The following ITIH2 variants were observed in gnomAD, a reference collection of about 807,000 sequenced individuals.
The protein encoded by ITIH2 is inter-alpha-trypsin inhibitor heavy chain 2.
A neutral mutation model predicts 104.4 loss-of-function variants in ITIH2; 103 were observed. The ratio of observed to expected loss-of-function variants is 0.99; its 90% CI spans 0.84 to 1.16. The LOEUF (loss-of-function observed/expected upper bound fraction) is 1.16. ITIH2 is among the 50% of genes most tolerant of loss of function. The probability of loss-of-function intolerance (pLI) is 0.00; values close to 1 mark genes in which losing one functional copy is unlikely to be tolerated. For missense variants in ITIH2, 1,108 were observed against 1,162.4 expected (o/e 0.95, Z 0.68); for synonymous variants, 436 against 435.4 (o/e 1.00, Z -0.02).
At chr10:7,712,838 G>A (rs1834809276) in intron 4 of ITIH2, among the ~76,000 whole-genome samples, 1 of 152,060 alleles carries the variant, frequency 6.6e-6, no homozygotes, top group African/African-American at 2.4e-5. Context: ...TTACTATTCT[G>A]GGCCAGGCGC....
intron 9 of ITIH2, among the ~76,000 whole-genome samples, chr10:7,725,037 C>CA (rs1324299999): frequency 6.7e-6 from 1 of 150,240 alleles, no homozygotes. Context: ...AGAAACCAAA[C>CA]AAAAAACAGA....
intron 3 of ITIH2, 92 bp downstream of exon 3, chr10:7,707,325 C>T (rs929586915): frequency 2.7e-5 from 25 of 923,456 alleles, no homozygotes; most frequent in African/African-American, 9.7e-5. Context: ...TCTTCATCAC[C>T]GAGTATTTAC....
chr10:7,716,325 C>A (rs928352237), intron 5 of ITIH2, among the ~76,000 whole-genome samples: 1 of 152,182 alleles, frequency 6.6e-6, no homozygotes, highest in South Asian at 2.1e-4. Context: ...TTTATCCTAA[C>A]GCTGGAATCA....
rs549517172 is a variant in ITIH2, at chr10:7,748,521, C to CTTTTTTTTTTTTTTTTTTTTTT, written c.2694-650_2694-629dup. Among the ~76,000 whole-genome samples, 4 of 27,132 alleles carry CTTTTTTTTTTTTTTTTTTTTTT rather than the reference C, an allele frequency of 1.5e-4. 1 individual carries two copies. The highest frequency in any genetic ancestry group is 1.5e-4 in the African/African-American group (1 of 6,622). The allele number at this position is 27,132 out of a possible 152,430, so 17.8% of individuals were successfully genotyped here. On this transcript the variant is annotated intron_variant, in intron 20 of 20. Coordinates refer to ENST00000358415, the MANE Select transcript of ITIH2 (RefSeq NM_002216.3). ...AGTTAAGAGGTGCCGCCAATGCATT[C>CTTTTTTTTTTTTTTTTTTTTTT]TTTTTTTTTTTTTTTTTTTTTTTTT...
intron 15 of ITIH2, among the ~76,000 whole-genome samples, chr10:7,737,530 T>G (rs1228334608): frequency 7.4e-6 from 1 of 135,126 alleles, no homozygotes; most frequent in Non-Finnish European, 1.5e-5. Context: ...ATACTATGTA[T>G]TCTATATAAT....
chr10:7,722,011 C>T (rs1834908650), intron 8 of ITIH2, among the ~76,000 whole-genome samples: 1 of 152,006 alleles, frequency 6.6e-6, no homozygotes, highest in African/African-American at 2.4e-5. Flanking sequence ...ATTCCTGGGC[C>T]TCATGTGAAG....
Position 7,703,378 on chromosome 10 carries a change from A to C in ITIH2, c.-57A>C. 8.7e-7 allele frequency: 1 copy of C among 1,154,372 alleles called. No homozygotes were observed. The highest frequency in any genetic ancestry group is 1.3e-6 in the Non-Finnish European group (1 of 761,772). The allele number at this position is 1,154,372 out of a possible 1,614,324, so 71.5% of individuals were successfully genotyped here. On this transcript the variant is annotated 5_prime_UTR_variant, in exon 1 of 21. Coordinates refer to ENST00000358415, the MANE Select transcript of ITIH2 (RefSeq NM_002216.3). Reference sequence around the variant, plus strand: ...CTTTGAACTTGGTTCAGTAGGAAGAAGTGATATCCTCCCCAGACCATCTGC... The same window carrying C: ...CTTTGAACTTGGTTCAGTAGGAAGACGTGATATCCTCCCCAGACCATCTGC...
intron 20 of ITIH2, 107 bp from the exon 21 acceptor site, chr10:7,749,080 G>A (rs1349016158): frequency 7.3e-6 from 8 of 1,091,104 alleles, no homozygotes; most frequent in Admixed American, 4.0e-5. Flanking sequence ...GGTGGGGGGC[G>A]GCAGATGTGG....
intron 4 of ITIH2, among the ~76,000 whole-genome samples, chr10:7,712,373 T>C (rs73621271): frequency 0.082 from 12,435 of 152,202 alleles, 559 homozygotes; most frequent in African/African-American, 0.1. Flanking sequence ...CACCTCGTAA[T>C]GTCATCGTCC....
In ITIH2 at chr10:7,705,101, T is replaced by C; in HGVS notation, c.85-7T>C. The stretch of plus-strand genomic sequence containing the variant: ...AAAAAAAAGTTAAAATCCTAATTTT[T>C]TTTAAGTTTGTAGACTATGAAGATC... On this transcript the variant is annotated splice_polypyrimidine_tract_variant and splice_region_variant and intron_variant, in intron 1 of 20. Transcript: ENST00000358415. 2 of 1,584,316 alleles carry C rather than the reference T, an allele frequency of 1.3e-6. No homozygotes were observed. Among genetic ancestry groups the C allele is most frequent in the Non-Finnish European group, 1.7e-6 (2 of 1,166,576 alleles).
intron 8 of ITIH2, among the ~76,000 whole-genome samples, chr10:7,722,126 G>A (rs187587959): frequency 1.3e-5 from 2 of 152,168 alleles, no homozygotes; most frequent in East Asian, 3.9e-4. Context: ...GGAGGAAGGC[G>A]CATCCACAGC....
intron 16 of ITIH2, among the ~76,000 whole-genome samples, chr10:7,742,945 G>C (rs973987872): frequency 2.0e-5 from 3 of 151,900 alleles, no homozygotes; most frequent in African/African-American, 7.3e-5. Context: ...AATAACATAG[G>C]GTTCTGAAGA....
At chr10:7,724,233 C>T (rs1564301963) in intron 9 of ITIH2, among the ~76,000 whole-genome samples, 1 of 152,088 alleles carries the variant, frequency 6.6e-6, no homozygotes, top group African/African-American at 2.4e-5. Flanking sequence ...TTTTTGACCA[C>T]CCAAGAGTTC....
At chr10:7,745,882 G>C (rs1835171790) in intron 19 of ITIH2, among the ~76,000 whole-genome samples, 1 of 151,182 alleles carries the variant, frequency 6.6e-6, no homozygotes, top group Non-Finnish European at 1.5e-5. Flanking sequence ...AGCCTCCCGA[G>C]TAGCTGGGAT....
Position 7,705,245 on chromosome 10 carries a change from C to A in ITIH2, c.159+63C>A, listed in dbSNP as rs1834735921. 2.5e-6 allele frequency: 3 copies of A among 1,189,184 alleles called. No individual in the cohort carries two copies. The South Asian group carries it at 3.8e-5, about 15-fold the overall frequency. 73.7% of individuals were successfully genotyped at this position (1,189,184 alleles called of 1,614,324 possible). ...TGAAAGAGATTATGGCAGAAGAAGA[C>A]AAGTGTTAAGATGCCTTCTGCTAGA... On this transcript the variant is annotated intron_variant, in intron 2 of 20. Coordinates refer to ENST00000358415, the MANE Select transcript of ITIH2 (RefSeq NM_002216.3).
At chr10:7,722,210 C>T (rs1588454566) in intron 8 of ITIH2, among the ~76,000 whole-genome samples, 1 of 152,210 alleles carries the variant, frequency 6.6e-6, no homozygotes, top group Non-Finnish European at 1.5e-5. Context: ...AGTTTCCTTT[C>T]CCCTTCAGTC....
intron 15 of ITIH2, among the ~76,000 whole-genome samples, chr10:7,736,735 T>C (rs912747554): frequency 6.6e-6 from 1 of 152,200 alleles, no homozygotes; most frequent in African/African-American, 2.4e-5. Context: ...CTGTTTTTCA[T>C]GTATTCATGG....
intron 20 of ITIH2, among the ~76,000 whole-genome samples, 193 bp from the exon 21 acceptor site, chr10:7,748,994 C>T (rs534785164): frequency 3.9e-5 from 6 of 152,270 alleles, no homozygotes; most frequent in Admixed American, 6.5e-5. Flanking sequence ...AAGGACGCTT[C>T]GCTGATTCTC....
Position 7,731,976 on chromosome 10 carries a change from A to T in ITIH2, c.1627A>T (p.Ser543Cys). Reference protein sequence around the residue: ...FDPAKLDQIESVITATSANTQ... With the variant: ...FDPAKLDQIECVITATSANTQ... ...CCCTGCTAAATTGGATCAAATAGAGAGCGTTATCACGGCGACTTCGGTACT... is the reference window on the plus strand; with the variant it reads ...CCCTGCTAAATTGGATCAAATAGAGTGCGTTATCACGGCGACTTCGGTACT... The change falls in exon 13 of 21, where the codon AGC becomes TGC. Residue 543 changes from serine to cysteine, a missense_variant. By Grantham distance (112) the Ser-to-Cys change is moderately radical. Coordinates refer to ENST00000358415, the MANE Select transcript of ITIH2 (RefSeq NM_002216.3). The T allele has an allele frequency of 6.2e-7, 1 of 1,613,726 alleles. No individual in the cohort carries two copies. Among genetic ancestry groups the T allele is most frequent in the Non-Finnish European group, 8.5e-7 (1 of 1,179,766 alleles).
Sources: gnomAD v4.1 joint callset for allele counts (sites outside exome capture counted in the v4.1 genomes callset) on GRCh38, gnomAD v4.1.1 for gene constraint, MANE v1.5 for transcripts, NCBI Gene and HGNC (gene_info 2026-07-23, HGNC 2026-07-21) for gene names.